Variants in CNTN6 observed in about 807,000 individuals in gnomAD.
The protein encoded by CNTN6 is contactin 6, also known as contactin-6.
In CNTN6, 137 loss-of-function variants were observed where a neutral mutation model predicts 122.8. The observed-to-expected ratio is 1.12, with a 90% CI of 0.97 to 1.29. The LOEUF (loss-of-function observed/expected upper bound fraction) is 1.29. CNTN6 is among the 50% of genes most tolerant of loss of function. The probability of loss-of-function intolerance (pLI) is 0.00; values close to 1 mark genes in which losing one functional copy is unlikely to be tolerated. For synonymous variants in CNTN6, 570 were observed against 426.0 expected (o/e 1.34, Z -4.16); for missense variants, 1,634 against 1,223.4 (o/e 1.34, Z -5.01).
At chr3:1,285,721 C>G (rs1055987150) in intron 5 of CNTN6, among the ~76,000 whole-genome samples, 2 of 152,154 alleles carry the variant, frequency 1.3e-5, no homozygotes, top group African/African-American at 4.8e-5. Context: ...GATCTTGTCT[C>G]TGGAATTCGA....
At chr3:1,105,226 C>T (rs922682390) in intron 1 of CNTN6, among the ~76,000 whole-genome samples, 1 of 152,086 alleles carries the variant, frequency 6.6e-6, no homozygotes, top group Non-Finnish European at 1.5e-5. Flanking sequence ...AACAAATACA[C>T]AGATAACAGT....
At chr3:1,260,286 G>A (rs1030413714) in intron 4 of CNTN6, among the ~76,000 whole-genome samples, 1 of 152,160 alleles carries the variant, frequency 6.6e-6, no homozygotes, top group South Asian at 2.1e-4. Flanking sequence ...GTGTGCCTGT[G>A]GCTTCCGGAT....
intron 5 of CNTN6, among the ~76,000 whole-genome samples, chr3:1,284,711 T>C (rs1157406853): frequency 3.9e-5 from 6 of 152,082 alleles, no homozygotes; most frequent in Admixed American, 3.3e-4. Context: ...TAGGAAATAG[T>C]AGATGTTGCT....
chr3:1,341,914 A>C (rs1200530770), intron 11 of CNTN6, among the ~76,000 whole-genome samples: 1 of 152,164 alleles, frequency 6.6e-6, no homozygotes, highest in African/African-American at 2.4e-5. Context: ...AATGTATTTG[A>C]GTCTATTTCT....
chr3:1,325,920 G>C lies in CNTN6; in HGVS notation c.1052G>C (p.Trp351Ser). 6.2e-7 allele frequency: 1 copy of C among 1,611,132 alleles called. No homozygotes were observed. The highest frequency in any genetic ancestry group is 8.5e-7 in the Non-Finnish European group (1 of 1,178,346). Reference protein sequence around the residue: ...ASGKPNPWYTWLKNGERLNPE... With the variant: ...ASGKPNPWYTSLKNGERLNPE... ...GGAAAGCCAAACCCTTGGTATACAT[G>C]GTTAAAAAATGGTGAACGACTCAAC... The change falls in exon 9 of 23, where the codon TGG becomes TCG. Residue 351 changes from tryptophan (W) to serine (S), a missense_variant. Trp to Ser is a radical substitution (Grantham distance 177). Coordinates refer to ENST00000446702, the MANE Select transcript of CNTN6 (RefSeq NM_001289080.2).
chr3:1,350,734 A>G (rs1328129492), intron 11 of CNTN6, among the ~76,000 whole-genome samples: 1 of 151,868 alleles, frequency 6.6e-6, no homozygotes, highest in Non-Finnish European at 1.5e-5. Context: ...TTTAGATATC[A>G]GCAGACCTAT....
At chr3:1,168,129 A>G (rs2093292877) in intron 2 of CNTN6, among the ~76,000 whole-genome samples, 1 of 151,774 alleles carries the variant, frequency 6.6e-6, no homozygotes, top group Non-Finnish European at 1.5e-5. Flanking sequence ...GTTGGTCTCG[A>G]TCTCCTGACC....
chr3:1,149,128 A>T (rs555167649), intron 2 of CNTN6, among the ~76,000 whole-genome samples: 41 of 152,338 alleles, frequency 2.7e-4, no homozygotes, highest in African/African-American at 9.9e-4. Context: ...TAGAAATAAT[A>T]AAGGCAATAA....
At chr3:1,384,768 T>TACACAC (rs200617372) in intron 19 of CNTN6, among the ~76,000 whole-genome samples, 12 of 125,322 alleles carry the variant, frequency 9.6e-5, no homozygotes, top group South Asian at 2.5e-4. Context: ...TACATATATA[T>TACACAC]ACACATATAT....
At position 1,115,688 on chromosome 3, in the gene CNTN6, G is replaced by T. The variant is rs202153419; in HGVS notation, c.-83+22568G>T. Among the ~76,000 whole-genome samples the T allele has an allele frequency of 7.4e-4, 113 of 152,260 alleles. 2 individuals are homozygous for T. In the East Asian group the frequency reaches 0.019, roughly 25 times the overall value. On this transcript the variant is annotated intron_variant, in intron 1 of 22. Transcript: ENST00000446702. ...AATTGCTTGAACCCGGGAGGCAGAG[G>T]TTACAGTGAGCTGAGATAGTGCCAC...
At chr3:1,295,180 T>G (rs116774984) in intron 5 of CNTN6, among the ~76,000 whole-genome samples, 1 of 152,316 alleles carries the variant, frequency 6.6e-6, no homozygotes, top group Non-Finnish European at 1.5e-5. Context: ...AGTTAAATTT[T>G]TAACAAGTAC....
chr3:1,385,929 T>A, intron 20 of CNTN6, 132 bp downstream of exon 20: 3 of 771,718 alleles, frequency 3.9e-6, no homozygotes, highest in Non-Finnish European at 6.1e-6. Context: ...GTTTGTCCCT[T>A]AAATATGGAT....
chr3:1,374,374 T>C (rs1260356666), intron 16 of CNTN6, among the ~76,000 whole-genome samples: 1 of 152,150 alleles, frequency 6.6e-6, no homozygotes, highest in African/African-American at 2.4e-5. Flanking sequence ...TGTAGATTTG[T>C]ATATGCAAAT....
At chr3:1,124,883 T>C (rs947409434) in intron 1 of CNTN6, among the ~76,000 whole-genome samples, 1 of 151,880 alleles carries the variant, frequency 6.6e-6, no homozygotes, top group East Asian at 1.9e-4. Flanking sequence ...CTTATCAGAG[T>C]TTATTAAAAT....
At chr3:1,121,564 A>G (rs2091950900) in intron 1 of CNTN6, among the ~76,000 whole-genome samples, 1 of 151,926 alleles carries the variant, frequency 6.6e-6, no homozygotes, top group Non-Finnish European at 1.5e-5. Flanking sequence ...TACTGATTTC[A>G]CTTGCCTGTA....
chr3:1,387,925 T>C (rs1047027777), intron 20 of CNTN6, among the ~76,000 whole-genome samples: 1 of 152,016 alleles, frequency 6.6e-6, no homozygotes, highest in African/African-American at 2.4e-5. Flanking sequence ...CCACGGAATC[T>C]CGCTGATTGC....
chr3:1,114,387 G>T (rs976143930), intron 1 of CNTN6, among the ~76,000 whole-genome samples: 14 of 152,234 alleles, frequency 9.2e-5, no homozygotes, highest in African/African-American at 3.4e-4. Context: ...TTCTGTGTGT[G>T]GCAGAAAAGT....
At chr3:1,320,754 T>A (rs1450666344) in intron 7 of CNTN6, among the ~76,000 whole-genome samples, 1 of 151,698 alleles carries the variant, frequency 6.6e-6, no homozygotes, top group Admixed American at 6.6e-5. Flanking sequence ...CTTCTGGAAC[T>A]TTGCTTGCAG....
At chr3:1,331,822 A>C (rs1702329274) in intron 11 of CNTN6, among the ~76,000 whole-genome samples, 1 of 151,738 alleles carries the variant, frequency 6.6e-6, no homozygotes, top group Non-Finnish European at 1.5e-5. Flanking sequence ...GAGTAAAGCT[A>C]AGATAATGAG....
Sources: gnomAD v4.1 joint callset for allele counts (sites outside exome capture counted in the v4.1 genomes callset) on GRCh38, gnomAD v4.1.1 for gene constraint, MANE v1.5 for transcripts, NCBI Gene and HGNC (gene_info 2026-07-23, HGNC 2026-07-21) for gene names.